Variants in TKFC observed in about 807,000 individuals in gnomAD.
TKFC encodes triokinase/FMN cyclase.
A neutral mutation model predicts 61.0 loss-of-function variants in TKFC; 46 were observed. The ratio of observed to expected loss-of-function variants is 0.75; its 90% CI spans 0.60 to 0.96. The LOEUF (loss-of-function observed/expected upper bound fraction) is 0.96. TKFC is among the 50% of genes least tolerant of loss of function. The pLI, the probability that TKFC is intolerant of heterozygous loss-of-function variation, is 0.00. For synonymous variants in TKFC, 314 were observed against 330.1 expected (o/e 0.95, Z 0.53); for missense variants, 715 against 777.5 (o/e 0.92, Z 0.96).
rs1205882243 is a variant in TKFC, at chr11:61,349,209, CA to C, written c.*2708del. The stretch of plus-strand genomic sequence containing the variant: ...CCCTATTTCCTCCCCTGAAGAAGAG[CA>C]ACAGCTCAAGCTCTAGCATGGCACA... On this transcript the variant is annotated 3_prime_UTR_variant, in exon 18 of 18. Transcript: ENST00000394900. The C allele has an allele frequency of 1.5e-5, 4 of 265,792 alleles. No homozygotes were observed. The highest frequency in any genetic ancestry group is 1.5e-5 in the Non-Finnish European group (2 of 131,412). 16.5% of individuals were successfully genotyped at this position (265,792 alleles called of 1,614,324 possible).
rs1411661219 is a variant in TKFC, at chr11:61,339,321, G to A, written c.372G>A (p.Gln124=). The stretch of plus-strand genomic sequence containing the variant: ...TCAACTTCGGCCTGGCCCGGGAGCA[G>A]GCCCGGGCTGAAGGCATCCCGGTGG... ...DRLNFGLARE[Q]ARAEGIPVEM... The change falls in exon 5 of 18, where the codon CAG becomes CAA. Residue 124 remains glutamine, a synonymous_variant. Coordinates refer to ENST00000394900, the MANE Select transcript of TKFC (RefSeq NM_015533.4). 5 of 1,613,928 alleles carry A rather than the reference G, an allele frequency of 3.1e-6. 1 individual carries two copies. In the South Asian group the frequency reaches 4.4e-5, roughly 14 times the overall value.
rs545980948 is a variant in TKFC at position 61,347,677 on chromosome 11, T to C, written c.*1174T>C. 142 of 985,310 alleles carry C rather than the reference T, an allele frequency of 1.4e-4. 1 individual carries two copies. In the African/African-American group the frequency reaches 2.3e-3, roughly 16 times the overall value. The allele number at this position is 985,310 out of a possible 1,614,324, so 61.0% of individuals were successfully genotyped here. Reference sequence around the variant, plus strand: ...AAACAGCACATGCCTGGCACACATGTAGGGTAGGGAGTGGTTAAAGGCACT... The same window carrying C: ...AAACAGCACATGCCTGGCACACATGCAGGGTAGGGAGTGGTTAAAGGCACT... On this transcript the variant is annotated 3_prime_UTR_variant, in exon 18 of 18. Coordinates refer to ENST00000394900, the MANE Select transcript of TKFC (RefSeq NM_015533.4).
rs2030952598 is a variant in TKFC, at chr11:61,342,605, T to G, written c.722T>G (p.Met241Arg). 1 of 1,614,106 alleles carries G rather than the reference T, an allele frequency of 6.2e-7. No individual in the cohort carries two copies. The highest frequency in any genetic ancestry group is 8.5e-7 in the Non-Finnish European group (1 of 1,180,036). The part of the protein sequence containing the change: ...MATADEIVKL[M>R]LDHMTNTTNA... ...ACCGCCGATGAGATTGTGAAACTCA[T>G]GCTCGACCACATGACAAACACCACC... The change falls in exon 9 of 18, where the codon ATG becomes AGG. Residue 241 changes from methionine (M) to arginine (R), a missense_variant. Transcript: ENST00000394900.
At chr11:61,337,839 G>C (rs1856673409) in intron 2 of TKFC, 102 bp from the exon 3 acceptor site, 1 of 1,152,930 alleles carries the variant, frequency 8.7e-7, no homozygotes, top group Non-Finnish European at 1.2e-6. Flanking sequence ...GAGTTCCTAG[G>C]TGGATGCGGG....
chr11:61,339,715 G>T (rs541727326), intron 5 of TKFC, among the ~76,000 whole-genome samples: 3 of 151,968 alleles, frequency 2.0e-5, no homozygotes, highest in Non-Finnish European at 2.9e-5. Flanking sequence ...CTCAGACCCC[G>T]CCCTCCTGCT....
At chr11:61,350,506 C>A, downstream of TKFC, 1 of 1,547,998 alleles carries the variant, frequency 6.5e-7, no homozygotes. Flanking sequence ...AGACCCCCAG[C>A]CTGCAGGGTG....
At chr11:61,343,043 T>C (rs922755857) in intron 10 of TKFC, 199 bp downstream of exon 10, 104 of 631,976 alleles carry the variant, frequency 1.6e-4, no homozygotes, top group Non-Finnish European at 2.8e-4. Context: ...GTACCTGCTT[T>C]ATACCGTTGT....
rs1856870717 is a variant in TKFC, at chr11:61,341,858, C to CT, written c.601_602insT (p.Pro201LeufsTer36). On this transcript the variant is annotated frameshift_variant, in exon 7 of 18. Transcript: ENST00000394900. LOFTEE classifies it high-confidence loss of function. The stretch of plus-strand genomic sequence containing the variant: ...GGTGAGCTTATCCTCCTGCAGCGTC[C>CT]CTGGTTCCAAACCCACCTTCGAGCT... The CT allele has an allele frequency of 1.2e-6, 2 of 1,613,964 alleles. No individual in the cohort carries two copies. Among genetic ancestry groups the CT allele is most frequent in the Non-Finnish European group, 1.7e-6 (2 of 1,179,932 alleles).
chr11:61,343,728 G>A (rs974246014), intron 11 of TKFC, 128 bp from the exon 12 acceptor site: 144 of 1,356,976 alleles, frequency 1.1e-4, no homozygotes, highest in Non-Finnish European at 1.3e-4. Flanking sequence ...CATGCTTGTC[G>A]AGGTGGACTC....
In TKFC at chr11:61,337,874, T is replaced by C; in HGVS notation, c.4-67T>C. 2.1e-6 allele frequency: 3 copies of C among 1,456,168 alleles called. No individual in the cohort carries two copies. The Admixed American group carries it at 7.0e-5, about 34-fold the overall frequency. The allele number at this position is 1,456,168 out of a possible 1,614,324, so 90.2% of individuals were successfully genotyped here. A position where few individuals can be genotyped will look rare whatever the true frequency, so the allele number is the denominator to read the frequency against. On this transcript the variant is annotated intron_variant, in intron 2 of 17. Transcript: ENST00000394900. ...GAGAGGGGTCTACACCACAGCAGTG[T>C]GGCTGCGCAGGATGGGGGTATCTGT... is the stretch of plus-strand genomic sequence containing the variant.
In TKFC at chr11:61,346,077, C is replaced by A; in HGVS notation, c.1575+131C>A. The stretch of plus-strand genomic sequence containing the variant: ...TCCTTCTCTGTACAATGGAGATGAG[C>A]ACCTATCTCAGAAGGTGGTTATGTG... On this transcript the variant is annotated intron_variant, in intron 17 of 17. Coordinates refer to ENST00000394900, the MANE Select transcript of TKFC (RefSeq NM_015533.4). This position sits in a 1 kb window ranked among gnomAD's most constrained non-coding sequence, Gnocchi z 4.1. The A allele has an allele frequency of 8.8e-7, 1 of 1,131,246 alleles. No homozygotes were observed. Among genetic ancestry groups the A allele is most frequent in the Non-Finnish European group, 1.2e-6 (1 of 807,860 alleles). 70.1% of individuals were successfully genotyped at this position (1,131,246 alleles called of 1,614,324 possible).
In TKFC at chr11:61,347,538, CAAAAAAAAAAAA is replaced by C. The variant is rs10594002; in HGVS notation, c.*1046_*1057del. 20 of 874,286 alleles carry C rather than the reference CAAAAAAAAAAAA, an allele frequency of 2.3e-5. No individual in the cohort carries two copies. The highest frequency in any genetic ancestry group is 6.4e-5 in the Admixed American group (1 of 15,690). 54.2% of individuals were successfully genotyped at this position (874,286 alleles called of 1,614,324 possible). On this transcript the variant is annotated 3_prime_UTR_variant, in exon 18 of 18. Coordinates refer to ENST00000394900, the MANE Select transcript of TKFC (RefSeq NM_015533.4). ...TGGGCAACAAAGCGAGACCCTGTCTCAAAAAAAAAAAAAAAAAAAAAAGAAACTGCAGCCAAG... is the reference window on the plus strand; with the variant it reads ...TGGGCAACAAAGCGAGACCCTGTCTCAAAAAAAAAAGAAACTGCAGCCAAG...
chr11:61,343,927 G>A lies in TKFC; in HGVS notation c.1054G>A (p.Val352Ile), dbSNP rs763227928. The stretch of plus-strand genomic sequence containing the variant: ...CATTACTGGGCGGAAGCGGAGCCGG[G>A]TAGCCCCTGCCGAGCCCCAGGAGGC... ...VSITGRKRSR[V>I]APAEPQEAPD... Residue 352 changes from valine (V) to isoleucine (I), a missense_variant, in exon 12 of 18, where the codon GTA becomes ATA. Transcript: ENST00000394900. 1.1e-5 allele frequency: 17 copies of A among 1,611,038 alleles called. No homozygotes were observed. Among genetic ancestry groups the A allele is most frequent in the South Asian group, 6.6e-5 (6 of 91,086 alleles).
rs145305423 is a variant in TKFC, at chr11:61,343,896, A to G, written c.1023A>G (p.Ala341=). ...CAGCAGCCTGGCCTAACGTGGCTGC[A>G]GTCTCCATTACTGGGCGGAAGCGGA... ...TTAAAWPNVA[A]VSITGRKRSR... The change falls in exon 12 of 18, where the codon GCA becomes GCG. Residue 341 remains alanine (A), a synonymous_variant. Transcript: ENST00000394900. 4.7e-5 allele frequency: 76 copies of G among 1,611,232 alleles called. No homozygotes were observed. In the African/African-American group the frequency reaches 9.6e-4, roughly 20 times the overall value.
intron 2 of TKFC, 66 bp downstream of exon 2, chr11:61,334,797 A>G: frequency 6.2e-7 from 1 of 1,611,254 alleles, no homozygotes; most frequent in African/African-American, 1.3e-5. Context: ...AGCCTTGGGC[A>G]AGCTAAAGCT....
At chr11:61,344,058 C>T in intron 12 of TKFC, 78 bp from the exon 13 acceptor site, 2 of 1,598,356 alleles carry the variant, frequency 1.3e-6, no homozygotes, top group Non-Finnish European at 1.7e-6. Flanking sequence ...GGCCCTGGCA[C>T]CCACACCTCC....
chr11:61,349,773 C>G, downstream of TKFC: 1 of 644,092 alleles, frequency 1.6e-6, no homozygotes, highest in Non-Finnish European at 2.8e-6. Flanking sequence ...TCTGCAATCA[C>G]CCCATGATGT....
At position 61,343,686 on chromosome 11, in the gene TKFC, T is replaced by C. The variant is rs955788634; in HGVS notation, c.983-170T>C. On this transcript the variant is annotated intron_variant, in intron 11 of 17. Transcript: ENST00000394900. ...CTGACCCTTTCCCAGGGACCCTCTC[T>C]CCATACCCCTGTATACAGTAGGCAC... 5.5e-5 allele frequency: 59 copies of C among 1,063,854 alleles called. No homozygotes were observed. The African/African-American group carries it at 9.0e-4, about 16-fold the overall frequency. 65.9% of individuals were successfully genotyped at this position (1,063,854 alleles called of 1,614,324 possible). A position where few individuals can be genotyped will look rare whatever the true frequency, so the allele number is the denominator to read the frequency against.
chr11:61,344,524 T>C (rs1044624439), intron 13 of TKFC, among the ~76,000 whole-genome samples: 33 of 152,090 alleles, frequency 2.2e-4, no homozygotes, highest in African/African-American at 7.5e-4. Context: ...CCACCACGCC[T>C]GGCTAATTGT....
Sources: allele counts gnomAD v4.1 joint callset (sites outside exome capture counted in the v4.1 genomes callset), GRCh38; gene constraint gnomAD v4.1.1; non-coding constraint Gnocchi (gnomAD v3.1); transcripts MANE v1.5; gene names NCBI Gene and HGNC (gene_info 2026-07-23, HGNC 2026-07-21).